The following TMEM38A variants were observed in gnomAD, a reference collection of about 807,000 sequenced individuals.
The protein encoded by TMEM38A is transmembrane protein 38A.
Under a neutral mutation model 28.6 loss-of-function variants are expected in TMEM38A, and 17 were observed. The observed-to-expected ratio is 0.60, with a 90% CI of 0.41 to 0.89. The LOEUF is 0.89. Among genes scored for constraint, TMEM38A ranks in the 40% least tolerant of loss-of-function variants. TMEM38A has a pLI of 0.00. For synonymous variants in TMEM38A, 169 were observed against 166.1 expected (o/e 1.02, Z -0.14); for missense variants, 328 against 393.1 (o/e 0.83, Z 1.40).
chr19:16,680,792 G>A, intron 3 of TMEM38A: 1 of 564,202 alleles, frequency 1.8e-6, no homozygotes, highest in South Asian at 2.1e-5. Context: ...GGGTACCTAA[G>A]ACAGTGATGA....
At position 16,688,475 on chromosome 19, in the gene TMEM38A, A is replaced by G. The variant is rs1307827135; in HGVS notation, c.*104A>G. The G allele has an allele frequency of 1.0e-4, 96 of 943,608 alleles. No homozygotes were observed. Among genetic ancestry groups the G allele is most frequent in the Admixed American group, 1.1e-4 (3 of 26,314 alleles). The allele number at this position is 943,608 out of a possible 1,614,324, so 58.5% of individuals were successfully genotyped here. A position where few individuals can be genotyped will look rare whatever the true frequency, so the allele number is the denominator to read the frequency against. ...ATCCTTTCCTGGCCTTGACTTCCCC[A>G]TCTGCAAATCAGGGTCATTGGCTCA... On this transcript the variant is annotated 3_prime_UTR_variant, in exon 6 of 6. Coordinates refer to ENST00000187762, the MANE Select transcript of TMEM38A (RefSeq NM_024074.4).
In TMEM38A at chr19:16,689,565, A is replaced by G. The variant is rs1019896918; in HGVS notation, c.*1194A>G. On this transcript the variant is annotated 3_prime_UTR_variant, in exon 6 of 6. Transcript: ENST00000187762. Reference sequence around the variant, plus strand: ...ACAGCTGGTTGGGGTTCCACGATCCAGCTCTATCAAGGGGCTCTGAGTGTG... The same window carrying G: ...ACAGCTGGTTGGGGTTCCACGATCCGGCTCTATCAAGGGGCTCTGAGTGTG... The G allele has an allele frequency of 6.6e-6, 1 of 152,354 alleles. No individual in the cohort carries two copies. Among genetic ancestry groups the G allele is most frequent in the African/African-American group, 2.4e-5 (1 of 41,584 alleles). The allele number at this position is 152,354 out of a possible 1,614,324, so 9.4% of individuals were successfully genotyped here.
intron 1 of TMEM38A, among the ~76,000 whole-genome samples, chr19:16,663,680 C>A (rs1312923677): frequency 6.6e-6 from 1 of 151,772 alleles, no homozygotes; most frequent in African/African-American, 2.4e-5. Context: ...AGGCGCCCAC[C>A]ACCATGCCCG....
At chr19:16,679,044 G>A (rs2086765890) in intron 1 of TMEM38A, among the ~76,000 whole-genome samples, 1 of 151,522 alleles carries the variant, frequency 6.6e-6, no homozygotes, top group African/African-American at 2.4e-5. Context: ...AGCTACTCGG[G>A]AGTCTGAGGC....
intron 5 of TMEM38A, 95 bp from the exon 6 acceptor site, chr19:16,688,049 C>T: frequency 1.1e-6 from 1 of 879,328 alleles, no homozygotes; most frequent in Non-Finnish European, 1.6e-6. Context: ...ATGACATTCT[C>T]TCCCCTCTTC....
At chr19:16,674,848 T>C (rs2086743398) in intron 1 of TMEM38A, among the ~76,000 whole-genome samples, 2 of 151,808 alleles carry the variant, frequency 1.3e-5, no homozygotes, top group Admixed American at 1.3e-4. Flanking sequence ...GGGATGCACA[T>C]TTCCCATAAA....
At chr19:16,683,927 G>A (rs575367498) in intron 4 of TMEM38A, among the ~76,000 whole-genome samples, 4 of 150,964 alleles carry the variant, frequency 2.6e-5, no homozygotes, top group South Asian at 4.2e-4. Flanking sequence ...CCGAGATCAC[G>A]CTATTGCACT....
Position 16,688,878 on chromosome 19 carries a change from A to G in TMEM38A, c.*507A>G, listed in dbSNP as rs1227334646. The G allele has an allele frequency of 6.6e-6, 1 of 152,064 alleles. No homozygotes were observed. The highest frequency in any genetic ancestry group is 1.5e-5 in the Non-Finnish European group (1 of 68,104). The allele number at this position is 152,064 out of a possible 1,614,324, so 9.4% of individuals were successfully genotyped here. A position where few individuals can be genotyped will look rare whatever the true frequency, so the allele number is the denominator to read the frequency against. ...CGTGGTGGTGCACGCCTTTAATCCC[A>G]GCTACTCGGGAGGCTGAGGCAGGAG... On this transcript the variant is annotated 3_prime_UTR_variant, in exon 6 of 6. Coordinates refer to ENST00000187762, the MANE Select transcript of TMEM38A (RefSeq NM_024074.4).
intron 1 of TMEM38A, among the ~76,000 whole-genome samples, chr19:16,678,752 T>G (rs1599389915): frequency 2.9e-5 from 3 of 105,112 alleles, no homozygotes; most frequent in African/African-American, 3.9e-5. Context: ...GTGATGGGAG[T>G]GAAACCCTGT....
At chr19:16,662,781 A>G (rs80297643) in intron 1 of TMEM38A, among the ~76,000 whole-genome samples, 15,428 of 151,222 alleles carry the variant, frequency 0.1, 1,002 homozygotes, top group Non-Finnish European at 0.14. Flanking sequence ...ACAGGATTAC[A>G]CTCTATTTGC....
intron 4 of TMEM38A, among the ~76,000 whole-genome samples, chr19:16,684,638 T>C (rs2086794218): frequency 6.6e-6 from 1 of 152,206 alleles, no homozygotes; most frequent in South Asian, 2.1e-4. Context: ...GGAAATAAGC[T>C]GATGGGGGAT....
chr19:16,667,983 T>G (rs2086710599), intron 1 of TMEM38A, among the ~76,000 whole-genome samples: 1 of 151,484 alleles, frequency 6.6e-6, no homozygotes, highest in Admixed American at 6.6e-5. Context: ...CTGAGGCTGG[T>G]GGATCACCTG....
chr19:16,661,849 C>A lies in TMEM38A; in HGVS notation c.124+508C>A, dbSNP rs1352959982. Among the ~76,000 whole-genome samples the A allele has an allele frequency of 6.6e-6, 1 of 152,104 alleles. No homozygotes were observed. Among genetic ancestry groups the A allele is most frequent in the Non-Finnish European group, 1.5e-5 (1 of 68,032 alleles). On this transcript the variant is annotated intron_variant, in intron 1 of 5. Coordinates refer to ENST00000187762, the MANE Select transcript of TMEM38A (RefSeq NM_024074.4). This position sits in a 1 kb window ranked among gnomAD's most constrained non-coding sequence, Gnocchi z 6.5. ...TCTCCTCCCCACTGCAACTGCCCAG[C>A]ACCCTCCACTCCCCTCCCTTCCCCC...
chr19:16,687,577 A>C (rs1394905591), intron 5 of TMEM38A, among the ~76,000 whole-genome samples: 1 of 152,260 alleles, frequency 6.6e-6, no homozygotes, highest in South Asian at 2.1e-4. Flanking sequence ...TGGGAAGTCC[A>C]AGATCAGGGT....
intron 1 of TMEM38A, among the ~76,000 whole-genome samples, chr19:16,673,750 CAATT>C (rs763155253): frequency 3.9e-5 from 6 of 152,052 alleles, no homozygotes; most frequent in Non-Finnish European, 2.9e-5. Flanking sequence ...ACACCTTTCT[CAATT>C]AATAAATGGA....
In TMEM38A at chr19:16,678,427, CAAAA is replaced by C. The variant is rs58580381; in HGVS notation, c.125-1539_125-1536del. Among the ~76,000 whole-genome samples the C allele has an allele frequency of 6.2e-5, 4 of 64,766 alleles. No individual in the cohort carries two copies. The South Asian group carries it at 1.7e-3, about 27-fold the overall frequency. 42.5% of individuals were successfully genotyped at this position (64,766 alleles called of 152,430 possible). A position where few individuals can be genotyped will look rare whatever the true frequency, so the allele number is the denominator to read the frequency against. On this transcript the variant is annotated intron_variant, in intron 1 of 5. Coordinates refer to ENST00000187762, the MANE Select transcript of TMEM38A (RefSeq NM_024074.4). Reference sequence around the variant, plus strand: ...CTGGTGACAGAGTGAGACTCTGTCTCAAAAAAAAAAAAAAAAAAAAAGAGCTATA... The same window carrying C: ...CTGGTGACAGAGTGAGACTCTGTCTCAAAAAAAAAAAAAAAAAGAGCTATA...
rs149852362 is a variant in TMEM38A at position 16,688,151 on chromosome 19, T to A, written c.680T>A (p.Leu227Gln). 1.4e-6 allele frequency: 2 copies of A among 1,438,034 alleles called. No individual in the cohort carries two copies. The highest frequency in any genetic ancestry group is 1.8e-6 in the Non-Finnish European group (2 of 1,087,364). 89.1% of individuals were successfully genotyped at this position (1,438,034 alleles called of 1,614,324 possible). The change falls in exon 6 of 6, where the codon CTG becomes CAG. Residue 227 changes from leucine (L) to glutamine (Q), a missense_variant. Coordinates refer to ENST00000187762, the MANE Select transcript of TMEM38A (RefSeq NM_024074.4). ...CTGGCCACCCCACCTCAGGTGTTTC[T>A]GACAGCCACCCACTCACACAGCTCC... Reference protein sequence around the residue: ...TLFMVSCKVFLTATHSHSSPF... With the variant: ...TLFMVSCKVFQTATHSHSSPF...
chr19:16,686,162 CA>C, intron 4 of TMEM38A, 125 bp from the exon 5 acceptor site: 1 of 662,776 alleles, frequency 1.5e-6, no homozygotes, highest in Non-Finnish European at 2.6e-6. Context: ...GATTCCATCT[CA>C]AAAGGAAAAG....
intron 1 of TMEM38A, among the ~76,000 whole-genome samples, chr19:16,675,951 A>G (rs1394419118): frequency 6.6e-6 from 1 of 151,906 alleles, no homozygotes; most frequent in Non-Finnish European, 1.5e-5. Context: ...ATTTCAACAT[A>G]CGAATTTTGG....
Sources: gnomAD v4.1 joint callset for allele counts (sites outside exome capture counted in the v4.1 genomes callset) on GRCh38, gnomAD v4.1.1 for gene constraint, Gnocchi (gnomAD v3.1) non-coding constraint, MANE v1.5 for transcripts, NCBI Gene and HGNC (gene_info 2026-07-23, HGNC 2026-07-21) for gene names.